Variants in ATP13A1 observed in about 807,000 individuals in gnomAD.
ATP13A1 encodes the protein endoplasmic reticulum transmembrane helix translocase.
In ATP13A1, 55 loss-of-function variants were observed where a neutral mutation model predicts 134.8. The observed-to-expected ratio is 0.41, with a 90% CI of 0.33 to 0.51. ATP13A1 has a LOEUF of 0.51. Ranked by LOEUF, ATP13A1 falls within the 20% of genes least tolerant of loss-of-function variation. The pLI is 0.29. For missense variants in ATP13A1, 1,389 were observed against 1,652.8 expected (o/e 0.84, Z 2.77); for synonymous variants, 775 against 725.1 (o/e 1.07, Z -1.10).
Position 19,655,932 on chromosome 19 carries a change from C to T in ATP13A1, c.1215G>A (p.Pro405=), listed in dbSNP as rs564865488. ...CGTAGGCCACGCACCCGCTGTCAAC[C>T]GCTGGGGAGAGAAGCAGAGTCACCG... The part of the protein sequence containing the change: ...PPQKATTGLK[P]VDSGCVAYVL... Residue 405 remains proline, a splice_region_variant and synonymous_variant, in exon 9 of 26, where the codon CCG becomes CCA. Coordinates refer to ENST00000357324, the MANE Select transcript of ATP13A1 (RefSeq NM_020410.3). The surrounding 1 kb of genome is among the most constrained non-coding windows in gnomAD (Gnocchi z 5.7). 2.3e-5 allele frequency: 37 copies of T among 1,602,622 alleles called. No individual in the cohort carries two copies. Among genetic ancestry groups the T allele is most frequent in the East Asian group, 1.8e-4 (8 of 44,716 alleles).
In ATP13A1 at chr19:19,657,323, G is replaced by A. The variant is rs769237536; in HGVS notation, c.750+13C>T. On this transcript the variant is annotated intron_variant, in intron 4 of 25. Coordinates refer to ENST00000357324, the MANE Select transcript of ATP13A1 (RefSeq NM_020410.3). ...GGAGGAAATGGGGAGATGGGCCAGA[G>A]CTGCTGCTTTACCTGAAATACAAAG... 2.6e-6 allele frequency: 4 copies of A among 1,562,704 alleles called. No individual in the cohort carries two copies. The East Asian group carries it at 9.5e-5, about 37-fold the overall frequency.
rs1202179748 is a variant in ATP13A1, at chr19:19,655,685, G to A, written c.1270-31C>T. On this transcript the variant is annotated intron_variant, in intron 9 of 25. Transcript: ENST00000357324. The surrounding 1 kb of genome is among the most constrained non-coding windows in gnomAD (Gnocchi z 5.7). ...GGAATGGAGGAACAGCCTTTCTGCT[G>A]TCTGGACTCCCTCCAGCAGCTCAGG... 6 of 1,603,540 alleles carry A rather than the reference G, an allele frequency of 3.7e-6. No individual in the cohort carries two copies. Among genetic ancestry groups the A allele is most frequent in the Non-Finnish European group, 5.1e-6 (6 of 1,175,292 alleles).
At chr19:19,649,455 A>G (rs921006818) in intron 19 of ATP13A1, 112 bp downstream of exon 19, 35 of 1,132,588 alleles carry the variant, frequency 3.1e-5, no homozygotes, top group Non-Finnish European at 4.2e-5. Context: ...CCATCCTCAC[A>G]GGAATTAGTG....
intron 12 of ATP13A1, 120 bp from the exon 13 acceptor site, chr19:19,654,820 C>T: frequency 1.0e-5 from 13 of 1,240,082 alleles, no homozygotes; most frequent in South Asian, 1.5e-5. Flanking sequence ...GTGGCTTGGG[C>T]GCCAACTGGG....
intron 1 of ATP13A1, among the ~76,000 whole-genome samples, chr19:19,660,869 A>T (rs1344860947): frequency 1.3e-5 from 2 of 151,904 alleles, no homozygotes; most frequent in Non-Finnish European, 2.9e-5. Flanking sequence ...TCACGAGGTC[A>T]GGAGTTTGAG....
chr19:19,659,994 G>C lies in ATP13A1; in HGVS notation c.397-7C>G. The C allele has an allele frequency of 1.3e-6, 2 of 1,558,274 alleles. No homozygotes were observed. The highest frequency in any genetic ancestry group is 1.7e-6 in the Non-Finnish European group (2 of 1,152,954). ...CTTTGCTGGGGTCGTACTCCTGACA[G>C]AGACAAAGAAAGCATTGTGGCTTAG... On this transcript the variant is annotated splice_polypyrimidine_tract_variant and splice_region_variant and intron_variant, in intron 1 of 25. Transcript: ENST00000357324.
rs2061976859 is a variant in ATP13A1, at chr19:19,645,279, G to A, written c.*143C>T. The A allele has an allele frequency of 2.1e-5, 19 of 914,096 alleles. 1 individual carries two copies. In the South Asian group the frequency reaches 2.9e-4, roughly 14 times the overall value. 56.6% of individuals were successfully genotyped at this position (914,096 alleles called of 1,614,324 possible). A position where few individuals can be genotyped will look rare whatever the true frequency, so the allele number is the denominator to read the frequency against. On this transcript the variant is annotated 3_prime_UTR_variant, in exon 26 of 26. Transcript: ENST00000357324. This position sits in a 1 kb window ranked among gnomAD's most constrained non-coding sequence, Gnocchi z 4.1. ...CTGCTGGCCAAGCCAGCGGATGGCT[G>A]TGGGGGTCCCAGCTCAGTCTTCCAA...
chr19:19,653,364 T>C lies in ATP13A1; in HGVS notation c.2100+420A>G, dbSNP rs1463964569. On this transcript the variant is annotated intron_variant, in intron 15 of 25. Transcript: ENST00000357324. The surrounding 1 kb of genome is among the most constrained non-coding windows in gnomAD (Gnocchi z 4.2). ...AGTACTGCAACCTGAGGCTAAATTCTGGAAGGATCCGCAGCTGTAGGGTGC... is the reference window on the plus strand; with the variant it reads ...AGTACTGCAACCTGAGGCTAAATTCCGGAAGGATCCGCAGCTGTAGGGTGC... 8.6e-6 allele frequency: 2 copies of C among 233,314 alleles called. No individual in the cohort carries two copies. Among genetic ancestry groups the C allele is most frequent in the African/African-American group, 4.6e-5 (2 of 43,562 alleles). 14.5% of individuals were successfully genotyped at this position (233,314 alleles called of 1,614,324 possible).
At position 19,656,952 on chromosome 19, in the gene ATP13A1, C is replaced by T. The variant is rs532862344; in HGVS notation, c.907-36G>A. On this transcript the variant is annotated intron_variant, in intron 5 of 25. Transcript: ENST00000357324. This position sits in a 1 kb window ranked among gnomAD's most constrained non-coding sequence, Gnocchi z 4.6. ...CATGGGTGTCAGCACAGAAGCCGCACCTGTGCTGCACCCCCAACCTGGGTC... is the reference window on the plus strand; with the variant it reads ...CATGGGTGTCAGCACAGAAGCCGCATCTGTGCTGCACCCCCAACCTGGGTC... 1.6e-5 allele frequency: 26 copies of T among 1,605,306 alleles called. No individual in the cohort carries two copies. The East Asian group carries it at 4.3e-4, about 26-fold the overall frequency.
Position 19,653,708 on chromosome 19 carries a change from G to A in ATP13A1, c.2100+76C>T. 3.0e-6 allele frequency: 4 copies of A among 1,313,138 alleles called. No individual in the cohort carries two copies. The South Asian group carries it at 5.4e-5, about 18-fold the overall frequency. The allele number at this position is 1,313,138 out of a possible 1,614,324, so 81.3% of individuals were successfully genotyped here. A position where few individuals can be genotyped will look rare whatever the true frequency, so the allele number is the denominator to read the frequency against. ...TCACAACCATTCAACCTGGCACTGT[G>A]GGACACAGGAGGTGACTCAGGGAGG... On this transcript the variant is annotated intron_variant, in intron 15 of 25. Transcript: ENST00000357324. This position sits in a 1 kb window ranked among gnomAD's most constrained non-coding sequence, Gnocchi z 4.2.
intron 22 of ATP13A1, chr19:19,646,575 T>C: frequency 1.7e-6 from 1 of 582,048 alleles, no homozygotes; most frequent in Non-Finnish European, 3.0e-6. Context: ...AGGCTCCCCA[T>C]GGCAGCCACA....
intron 23 of ATP13A1, 51 bp from the exon 24 acceptor site, chr19:19,646,036 A>G (rs1423778837): frequency 6.2e-7 from 1 of 1,603,012 alleles, no homozygotes; most frequent in African/African-American, 1.3e-5. Flanking sequence ...CGGCTCACAC[A>G]CACTGTGTGG....
intron 16 of ATP13A1, 94 bp downstream of exon 16, chr19:19,652,501 A>G: frequency 1.4e-6 from 2 of 1,468,504 alleles, no homozygotes; most frequent in South Asian, 2.7e-5. Context: ...GCAGCCTGTG[A>G]GACTTGGGTG....
Position 19,645,594 on chromosome 19 carries a change from T to C in ATP13A1, c.3504+53A>G, listed in dbSNP as rs1163107946. On this transcript the variant is annotated intron_variant, in intron 25 of 25. Coordinates refer to ENST00000357324, the MANE Select transcript of ATP13A1 (RefSeq NM_020410.3). The surrounding 1 kb of genome is among the most constrained non-coding windows in gnomAD (Gnocchi z 4.1). Reference sequence around the variant, plus strand: ...GCAGCCCAGCTCAGGGTCACTGCCATAGGAGGGACCCATCAAGCTGAGCCC... The same window carrying C: ...GCAGCCCAGCTCAGGGTCACTGCCACAGGAGGGACCCATCAAGCTGAGCCC... 3.8e-6 allele frequency: 6 copies of C among 1,560,832 alleles called. No individual in the cohort carries two copies. Among genetic ancestry groups the C allele is most frequent in the Non-Finnish European group, 5.2e-6 (6 of 1,152,662 alleles).
rs2061982237 is a variant in ATP13A1 at position 19,645,923 on chromosome 19, T to C, written c.3311A>G (p.Tyr1104Cys). 1 of 1,613,734 alleles carries C rather than the reference T, an allele frequency of 6.2e-7. No homozygotes were observed. Among genetic ancestry groups the C allele is most frequent in the African/African-American group, 1.3e-5 (1 of 74,944 alleles). The change falls in exon 24 of 26, where the codon TAC (tyrosine) becomes TGC (cysteine). Residue 1104 changes from tyrosine (Y) to cysteine (C), a missense_variant. Tyr to Cys is a radical substitution (Grantham distance 194). This residue lies in a region of ATP13A1 where 228 missense variants were observed against 321.0 expected (regional missense o/e 0.71). Transcript: ENST00000357324. The surrounding 1 kb of genome is among the most constrained non-coding windows in gnomAD (Gnocchi z 4.1). Reference protein sequence around the residue: ...FEPSLVNSTVYIMAMAMQMAT... With the variant: ...FEPSLVNSTVCIMAMAMQMAT... ...CATCTGCATGGCCATGGCCATGATG[T>C]AGACGGTGCTGTTGACCAGGCTTGG...
chr19:19,654,763 C>T lies in ATP13A1; in HGVS notation c.1656-63G>A, dbSNP rs535476003. 5.2e-4 allele frequency: 791 copies of T among 1,530,378 alleles called. 1 individual carries two copies. The highest frequency in any genetic ancestry group is 6.5e-4 in the Non-Finnish European group (743 of 1,134,478). The allele number at this position is 1,530,378 out of a possible 1,614,324, so 94.8% of individuals were successfully genotyped here. Reference sequence around the variant, plus strand: ...CGGGTAGGGCGAAGCTGCATCCCCACCAGCAGAAGGACCCCCAAGGCCATT... The same window carrying T: ...CGGGTAGGGCGAAGCTGCATCCCCATCAGCAGAAGGACCCCCAAGGCCATT... On this transcript the variant is annotated intron_variant, in intron 12 of 25. Coordinates refer to ENST00000357324, the MANE Select transcript of ATP13A1 (RefSeq NM_020410.3).
chr19:19,663,285 G>A lies in ATP13A1; in HGVS notation c.382C>T (p.Leu128Phe). ...GHWSVHAHCA[L>F]TCTPEYDPSK... ...TACACACTTACCGGGGTGCAGGTGAGCGCGCAATGCGCGTGCACAGACCAA... is the reference window on the plus strand; with the variant it reads ...TACACACTTACCGGGGTGCAGGTGAACGCGCAATGCGCGTGCACAGACCAA... Residue 128 changes from leucine (L) to phenylalanine (F), a missense_variant, in exon 1 of 26, where the codon CTC (leucine) becomes TTC (phenylalanine). By Grantham distance (22) the Leu-to-Phe change is conservative. Coordinates refer to ENST00000357324, the MANE Select transcript of ATP13A1 (RefSeq NM_020410.3). 2 of 1,583,730 alleles carry A rather than the reference G, an allele frequency of 1.3e-6. No individual in the cohort carries two copies. Among genetic ancestry groups the A allele is most frequent in the Non-Finnish European group, 1.7e-6 (2 of 1,166,390 alleles).
chr19:19,661,528 C>T (rs567990072), intron 1 of ATP13A1, among the ~76,000 whole-genome samples: 1 of 152,306 alleles, frequency 6.6e-6, no homozygotes, highest in South Asian at 2.1e-4. Flanking sequence ...CCGGCAATGT[C>T]CCATCCTGTC....
In ATP13A1 at chr19:19,646,220, G is replaced by C; in HGVS notation, c.3233C>G (p.Ala1078Gly). 1 of 1,613,916 alleles carries C rather than the reference G, an allele frequency of 6.2e-7. No individual in the cohort carries two copies. The highest frequency in any genetic ancestry group is 8.5e-7 in the Non-Finnish European group (1 of 1,179,856). Reference protein sequence around the residue: ...SLVYLYREAQARSPEKQEQFV... With the variant: ...SLVYLYREAQGRSPEKQEQFV... ...CAGCACTTACTTCTCGGGGCTCCGG[G>C]CCTGGGCCTCACGGTACAGGTAGAC... The change falls in exon 23 of 26, where the codon GCC (alanine) becomes GGC (glycine). Residue 1078 changes from alanine to glycine, a missense_variant. Ala to Gly is a moderately conservative substitution (Grantham distance 60). Coordinates refer to ENST00000357324, the MANE Select transcript of ATP13A1 (RefSeq NM_020410.3).
Sources: gnomAD v4.1 joint callset for allele counts (sites outside exome capture counted in the v4.1 genomes callset) on GRCh38, gnomAD v4.1.1 for gene constraint, gnomAD v4.1.1 regional missense constraint, Gnocchi (gnomAD v3.1) non-coding constraint, MANE v1.5 for transcripts, NCBI Gene and HGNC (gene_info 2026-07-23, HGNC 2026-07-21) for gene names.